LRRC9: variants seen among roughly 807,000 people sequenced by gnomAD.
LRRC9 encodes the protein leucine-rich repeat-containing protein 9.
A neutral mutation model predicts 63.2 loss-of-function variants in LRRC9; 122 were observed. The ratio of observed to expected loss-of-function variants is 1.93; its 90% CI spans 1.67 to 2.24. The LOEUF is 2.24. Ranked by LOEUF, LRRC9 falls within the 30% of genes most tolerant of loss-of-function variation. LRRC9 has a pLI of 0.00. For synonymous variants in LRRC9, 366 were observed against 213.1 expected (o/e 1.72, Z -6.25); for missense variants, 1,071 against 627.7 (o/e 1.71, Z -7.55).
In LRRC9 at chr14:59,923,290, A is replaced by G. The variant is rs964421934; in HGVS notation, c.-34+3407A>G. Among the ~76,000 whole-genome samples the G allele has an allele frequency of 2.0e-5, 3 of 152,224 alleles. No homozygotes were observed. Among genetic ancestry groups the G allele is most frequent in the Non-Finnish European group, 2.9e-5 (2 of 68,034 alleles). ...TTGTATTTTTCTAATTAGCTGTTGA[A>G]TTAGAATAAGATTTTCTGCTAAATA... On this transcript the variant is annotated intron_variant, in intron 1 of 31. Coordinates refer to ENST00000445360, the Ensembl canonical transcript of LRRC9. This position sits in a 1 kb window ranked among gnomAD's most constrained non-coding sequence, Gnocchi z 4.2.
In LRRC9 at chr14:59,938,970, CAT is replaced by C. The variant is rs1301258198; in HGVS notation, c.726+404_726+405del. Among the ~76,000 whole-genome samples, 30 of 144,312 alleles carry C rather than the reference CAT, an allele frequency of 2.1e-4. No homozygotes were observed. Among genetic ancestry groups the C allele is most frequent in the African/African-American group, 7.8e-4 (30 of 38,564 alleles). 94.7% of individuals were successfully genotyped at this position (144,312 alleles called of 152,430 possible). On this transcript the variant is annotated intron_variant, in intron 7 of 31. Transcript: ENST00000445360. The surrounding 1 kb of genome is among the most constrained non-coding windows in gnomAD (Gnocchi z 4.2). ...ACATACATATATACACACATATATACATATATACATATATACACACATATATA... is the reference window on the plus strand; with the variant it reads ...ACATACATATATACACACATATATACATATACATATATACACACATATATA...
chr14:59,957,647 T>A (rs750069735), intron 8 of LRRC9, among the ~76,000 whole-genome samples: 1 of 152,172 alleles, frequency 6.6e-6, no homozygotes, highest in African/African-American at 2.4e-5. Flanking sequence ...ATCAGTCTCA[T>A]TCTCTGTTCA....
chr14:59,998,765 A>G (rs2140192082), intron 18 of LRRC9, among the ~76,000 whole-genome samples: 1 of 152,224 alleles, frequency 6.6e-6, no homozygotes, highest in Non-Finnish European at 1.5e-5. Context: ...CTAAAGATCC[A>G]TATTGAATCA....
At chr14:60,054,299 C>T (rs926931971) in intron 30 of LRRC9, among the ~76,000 whole-genome samples, 1 of 152,100 alleles carries the variant, frequency 6.6e-6, no homozygotes, top group Non-Finnish European at 1.5e-5. Flanking sequence ...TAAATAAACA[C>T]AGGGACTCTA....
chr14:60,054,521 C>T (rs1555389301), intron 30 of LRRC9, among the ~76,000 whole-genome samples: 1 of 151,924 alleles, frequency 6.6e-6, no homozygotes, highest in Non-Finnish European at 1.5e-5. Flanking sequence ...AAAAGCTAGA[C>T]AGATTATTGT....
exon 14 of LRRC9, chr14:59,977,241 A>G (rs1389206573): frequency 1.5e-6 from 1 of 680,412 alleles, no homozygotes. Flanking sequence ...TCCTCATTAC[A>G]AAAGTTTTCC....
intron 16 of LRRC9, among the ~76,000 whole-genome samples, chr14:59,983,862 A>C (rs1887190608): frequency 6.6e-6 from 1 of 152,190 alleles, no homozygotes; most frequent in African/African-American, 2.4e-5. Flanking sequence ...GAATTAACTG[A>C]AATCAGACTG....
At chr14:59,982,055 A>T (rs779939587) in exon 16 of LRRC9, 184 of 698,246 alleles carry the variant, frequency 2.6e-4, no homozygotes, top group Non-Finnish European at 4.4e-4. Context: ...TTACAGTCAT[A>T]TTGTGGTGAG....
exon 19 of LRRC9, chr14:59,999,180 A>C: frequency 1.4e-6 from 1 of 701,716 alleles, no homozygotes; most frequent in Non-Finnish European, 2.6e-6. Context: ...TCTGAAGAAG[A>C]AGCAACAGCA....
At chr14:59,997,625 T>C (rs1477858171) in intron 17 of LRRC9, 31 bp from the exon 18 acceptor site, 1 of 646,842 alleles carries the variant, frequency 1.5e-6, no homozygotes. Flanking sequence ...TATGATTCTC[T>C]TAGCATCACT....
At chr14:59,960,515 T>A (rs1594878604) in intron 9 of LRRC9, among the ~76,000 whole-genome samples, 1 of 152,266 alleles carries the variant, frequency 6.6e-6, no homozygotes, top group East Asian at 1.9e-4. Flanking sequence ...ATTGGGTTTT[T>A]ACTTTGTGCC....
At chr14:59,967,255 A>G (rs1594892703) in intron 12 of LRRC9, 42 bp downstream of exon 12, 2 of 538,892 alleles carry the variant, frequency 3.7e-6, no homozygotes, top group South Asian at 2.7e-5. Context: ...TCTTCCTAGC[A>G]AGTGGAGCTC....
intron 16 of LRRC9, among the ~76,000 whole-genome samples, chr14:59,983,539 G>A (rs1594939591): frequency 6.6e-6 from 1 of 152,242 alleles, no homozygotes; most frequent in East Asian, 1.9e-4. Context: ...GGATTTTGAA[G>A]GACATGAGAA....
rs1306068866 is a variant in LRRC9, at chr14:59,930,641, AAT to A, written c.268-274_268-273del. Among the ~76,000 whole-genome samples the A allele has an allele frequency of 1.3e-5, 2 of 151,798 alleles. No individual in the cohort carries two copies. Among genetic ancestry groups the A allele is most frequent in the Non-Finnish European group, 2.9e-5 (2 of 67,848 alleles). ...ATGATTATAATCATAACCATATAGAAATATGATATGTGATATATATGATTACA... is the reference window on the plus strand; with the variant it reads ...ATGATTATAATCATAACCATATAGAAATGATATGTGATATATATGATTACA... On this transcript the variant is annotated intron_variant, in intron 3 of 31. Transcript: ENST00000445360. The surrounding 1 kb of genome is among the most constrained non-coding windows in gnomAD (Gnocchi z 4.9).
intron 23 of LRRC9, among the ~76,000 whole-genome samples, chr14:60,009,218 T>A (rs1211261778): frequency 6.6e-6 from 1 of 152,142 alleles, no homozygotes; most frequent in African/African-American, 2.4e-5. Flanking sequence ...TGACAATGAG[T>A]GTATTAGTCT....
At chr14:60,002,422 C>A (rs1246061829) in intron 20 of LRRC9, among the ~76,000 whole-genome samples, 1 of 152,146 alleles carries the variant, frequency 6.6e-6, no homozygotes, top group Non-Finnish European at 1.5e-5. Flanking sequence ...GCCCACTTCC[C>A]ATTGCCCCTA....
chr14:59,931,839 G>A, intron 5 of LRRC9, 130 bp from the exon 6 acceptor site: 1 of 609,612 alleles, frequency 1.6e-6, no homozygotes, highest in Non-Finnish European at 2.9e-6. Flanking sequence ...TTAATCAGTG[G>A]TTACTAATTA....
chr14:60,055,023 G>C (rs1894169493), intron 30 of LRRC9, among the ~76,000 whole-genome samples: 2 of 152,166 alleles, frequency 1.3e-5, no homozygotes, highest in Non-Finnish European at 2.9e-5. Context: ...GCCTCCCAAA[G>C]TGCTGGGATT....
intron 26 of LRRC9, among the ~76,000 whole-genome samples, chr14:60,022,132 T>C (rs2140291700): frequency 6.6e-6 from 1 of 151,968 alleles, no homozygotes; most frequent in Admixed American, 6.6e-5. Context: ...ACACATAGAA[T>C]ATTTCTCTAT....
Sources: gnomAD v4.1 joint callset for allele counts (sites outside exome capture counted in the v4.1 genomes callset) on GRCh38, gnomAD v4.1.1 for gene constraint, Gnocchi (gnomAD v3.1) non-coding constraint, MANE v1.5 for transcripts, NCBI Gene and HGNC (gene_info 2026-07-23, HGNC 2026-07-21) for gene names.